STK32B: variants seen among roughly 807,000 people sequenced by gnomAD.
STK32B encodes the protein serine/threonine kinase 32B.
Under a neutral mutation model 52.6 loss-of-function variants are expected in STK32B, and 43 were observed. That is an observed-to-expected ratio of 0.82 (90% confidence interval 0.64 to 1.05). The LOEUF (loss-of-function observed/expected upper bound fraction) is 1.05. Among genes scored for constraint, STK32B ranks in the 50% least tolerant of loss-of-function variants. The pLI, the probability that STK32B is intolerant of heterozygous loss-of-function variation, is 0.00. For synonymous variants in STK32B, 238 were observed against 204.3 expected (o/e 1.17, Z -1.41); for missense variants, 621 against 534.6 (o/e 1.16, Z -1.59).
At chr4:5,218,754 A>G (rs1232336055) in intron 3 of STK32B, among the ~76,000 whole-genome samples, 1 of 152,244 alleles carries the variant, frequency 6.6e-6, no homozygotes, top group Admixed American at 6.5e-5. Context: ...TTTAAAATGC[A>G]GAGTAGAAGG....
At chr4:5,232,571 A>T (rs1312892141) in intron 3 of STK32B, among the ~76,000 whole-genome samples, 1 of 152,216 alleles carries the variant, frequency 6.6e-6, no homozygotes, top group African/African-American at 2.4e-5. Flanking sequence ...AGAATCCCTG[A>T]TGGGACATGG....
intron 2 of STK32B, among the ~76,000 whole-genome samples, chr4:5,156,286 T>TATAA (rs374792643): frequency 6.6e-6 from 1 of 151,988 alleles, no homozygotes; most frequent in Non-Finnish European, 1.5e-5. Flanking sequence ...ATGAATATTA[T>TATAA]ATAAATAAAT....
chr4:5,463,620 C>G lies in STK32B; in HGVS notation c.910-3083C>G, dbSNP rs1209272431. 2.6e-5 allele frequency among the ~76,000 whole-genome samples: 4 copies of G among 152,114 alleles called. No homozygotes were observed. The South Asian group carries it at 6.2e-4, about 24-fold the overall frequency. On this transcript the variant is annotated intron_variant, in intron 9 of 11. Coordinates refer to ENST00000282908, the MANE Select transcript of STK32B (RefSeq NM_018401.3). ...TCACATATATACTCACCCACACACA[C>G]CTTCACACACATGCACACTCCCATA...
At chr4:5,143,455 GC>G (rs1716660099) in intron 2 of STK32B, among the ~76,000 whole-genome samples, 1 of 152,114 alleles carries the variant, frequency 6.6e-6, no homozygotes, top group Non-Finnish European at 1.5e-5. Context: ...CATCACACCA[GC>G]CCCTCACTTC....
At chr4:5,406,485 A>T (rs1354829528) in intron 5 of STK32B, among the ~76,000 whole-genome samples, 4 of 151,744 alleles carry the variant, frequency 2.6e-5, no homozygotes, top group Non-Finnish European at 5.9e-5. Context: ...TCCCTAGTAG[A>T]ATTTCTCAAC....
At chr4:5,291,952 C>T (rs1560290842) in intron 3 of STK32B, among the ~76,000 whole-genome samples, 1 of 152,044 alleles carries the variant, frequency 6.6e-6, no homozygotes, top group Non-Finnish European at 1.5e-5. Context: ...TTGAACCCAT[C>T]GCCCAGATAG....
At chr4:5,236,873 C>A (rs772980760) in intron 3 of STK32B, among the ~76,000 whole-genome samples, 17 of 152,116 alleles carry the variant, frequency 1.1e-4, no homozygotes, top group Non-Finnish European at 1.9e-4. Flanking sequence ...AACATATACA[C>A]CTTTCTGTTG....
chr4:5,184,746 C>T (rs747185585), intron 3 of STK32B, among the ~76,000 whole-genome samples: 4 of 150,864 alleles, frequency 2.7e-5, no homozygotes, highest in Non-Finnish European at 5.9e-5. Flanking sequence ...TAACAAATAC[C>T]ATAATAATGA....
At chr4:5,196,444 C>T (rs916594756) in intron 3 of STK32B, among the ~76,000 whole-genome samples, 7 of 148,322 alleles carry the variant, frequency 4.7e-5, no homozygotes, top group Non-Finnish European at 1.0e-4. Context: ...AGATAAGGGC[C>T]GGGGGCAGTG....
chr4:5,045,896 A>T, the STK32B span, among the ~76,000 whole-genome samples: 1 of 152,180 alleles, frequency 6.6e-6, no homozygotes, highest in Non-Finnish European at 1.5e-5. Context: ...AATACCCCTT[A>T]TGTCTTTCTC....
Position 5,372,730 on chromosome 4 carries a change from G to T in STK32B, c.435-25477G>T, listed in dbSNP as rs375644358. Among the ~76,000 whole-genome samples, 469 of 150,142 alleles carry T rather than the reference G, an allele frequency of 3.1e-3. 4 individuals carry two copies. Among genetic ancestry groups the T allele is most frequent in the African/African-American group, 0.01 (428 of 40,782 alleles). ...TCAGCAGGAGAAAGTTGGGGGGGGG[G>T]GCGGTTATTTCAGACTAATAGGTCC... is the stretch of plus-strand genomic sequence containing the variant. On this transcript the variant is annotated intron_variant, in intron 4 of 11. Transcript: ENST00000282908.
chr4:5,361,069 A>C (rs1438364034), intron 4 of STK32B, among the ~76,000 whole-genome samples: 1 of 152,228 alleles, frequency 6.6e-6, no homozygotes, highest in African/African-American at 2.4e-5. Flanking sequence ...AAGTAGAATC[A>C]TACAGTCTTC....
At chr4:5,354,144 A>G (rs71597753) in intron 4 of STK32B, among the ~76,000 whole-genome samples, 2 of 152,214 alleles carry the variant, frequency 1.3e-5, no homozygotes, top group Admixed American at 1.3e-4. Context: ...ACAAGGACAA[A>G]TTGTGAGTGT....
intron 3 of STK32B, among the ~76,000 whole-genome samples, chr4:5,185,291 A>G (rs533553156): frequency 3.5e-4 from 54 of 152,320 alleles, no homozygotes; most frequent in African/African-American, 1.1e-3. Context: ...ATGAATGAAC[A>G]TTCTCAGGAT....
Position 5,460,162 on chromosome 4 carries a change from C to G in STK32B, c.843C>G (p.Pro281=), listed in dbSNP as rs2109150268. ...GCCTTCATGACATACAGAGCGTGCC[C>G]TACTTGGCCGACATGAACTGGGACG... ...VSSLHDIQSV[P]YLADMNWDAV... Residue 281 remains proline, a synonymous_variant, in exon 9 of 12, where the codon CCC becomes CCG. Transcript: ENST00000282908. This position sits in a 1 kb window ranked among gnomAD's most constrained non-coding sequence, Gnocchi z 4.8. The G allele has an allele frequency of 6.2e-7, 1 of 1,614,190 alleles. No individual in the cohort carries two copies. Among genetic ancestry groups the G allele is most frequent in the South Asian group, 1.1e-5 (1 of 91,080 alleles).
chr4:5,222,905 A>G (rs1401126779), intron 3 of STK32B, among the ~76,000 whole-genome samples: 4 of 152,192 alleles, frequency 2.6e-5, no homozygotes, highest in Admixed American at 2.0e-4. Context: ...GCCAGGTGCT[A>G]TTCACAAAGA....
intron 4 of STK32B, among the ~76,000 whole-genome samples, chr4:5,349,737 A>G (rs1213727427): frequency 6.6e-6 from 1 of 152,216 alleles, no homozygotes; most frequent in African/African-American, 2.4e-5. Context: ...ATGCAAAGAA[A>G]TTAGAAAAGC....
intron 1 of STK32B, among the ~76,000 whole-genome samples, chr4:5,103,282 T>A (rs1713923377): frequency 6.6e-6 from 1 of 152,092 alleles, no homozygotes; most frequent in African/African-American, 2.4e-5. Context: ...AAGCCCCATG[T>A]TTGCCACATC....
chr4:5,150,256 C>T (rs916790259), intron 2 of STK32B, among the ~76,000 whole-genome samples: 1 of 151,968 alleles, frequency 6.6e-6, no homozygotes, highest in African/African-American at 2.4e-5. Context: ...CTATCTTTTC[C>T]TTTATTTCAG....
Sources: allele counts gnomAD v4.1 joint callset (sites outside exome capture counted in the v4.1 genomes callset), GRCh38; gene constraint gnomAD v4.1.1; non-coding constraint Gnocchi (gnomAD v3.1); transcripts MANE v1.5; gene names NCBI Gene and HGNC (gene_info 2026-07-23, HGNC 2026-07-21).